The following BNC2 variants were observed in gnomAD, a reference collection of about 807,000 sequenced individuals.
BNC2 encodes the protein zinc finger protein basonuclin-2.
BNC2 carries 20 observed loss-of-function variants against 76.3 expected under a neutral mutation model. The ratio of observed to expected loss-of-function variants is 0.26; its 90% CI spans 0.18 to 0.38. The LOEUF (loss-of-function observed/expected upper bound fraction) is 0.38. Among genes scored for constraint, BNC2 ranks in the 10% least tolerant of loss-of-function variants. The probability of loss-of-function intolerance (pLI) is 1.00; values close to 1 mark genes in which losing one functional copy is unlikely to be tolerated. For synonymous variants in BNC2, 582 were observed against 514.8 expected, an observed-to-expected ratio of 1.13 and a Z score of -1.77; for missense variants, 1,382 against 1,399.8, an observed-to-expected ratio of 0.99 and a Z score of 0.20.
intron 1 of BNC2, among the ~76,000 whole-genome samples, chr9:16,853,324 G>A (rs1395513858): frequency 1.3e-5 from 2 of 150,698 alleles, no homozygotes; most frequent in Non-Finnish European, 2.9e-5. Context: ...AGGATCACCT[G>A]AGCCCAGGGA....
intron 1 of BNC2, among the ~76,000 whole-genome samples, chr9:16,810,464 G>GAATGAC (rs1367431134): frequency 1.3e-5 from 2 of 152,216 alleles, no homozygotes; most frequent in African/African-American, 4.8e-5. Flanking sequence ...TACCTCATGT[G>GAATGAC]AATGACAATG....
chr9:16,860,289 T>C (rs1385321943), intron 1 of BNC2, among the ~76,000 whole-genome samples: 2 of 152,108 alleles, frequency 1.3e-5, no homozygotes, highest in Admixed American at 6.5e-5. Flanking sequence ...CAAAACTTAA[T>C]ACAAAGCTAC....
At chr9:16,442,288 T>C (rs1311273834) in intron 5 of BNC2, among the ~76,000 whole-genome samples, 1 of 152,190 alleles carries the variant, frequency 6.6e-6, no homozygotes, top group South Asian at 2.1e-4. Flanking sequence ...TCAGAAAAAG[T>C]ATAAAAGACT....
chr9:16,718,154 T>C (rs886213489), intron 3 of BNC2, among the ~76,000 whole-genome samples: 1 of 152,182 alleles, frequency 6.6e-6, no homozygotes, highest in African/African-American at 2.4e-5. Context: ...TTTTTCTTAT[T>C]TGAACAACAA....
At chr9:16,438,173 A>G (rs1396823908) in intron 5 of BNC2, among the ~76,000 whole-genome samples, 1 of 152,194 alleles carries the variant, frequency 6.6e-6, no homozygotes, top group East Asian at 1.9e-4. Context: ...AAGGAAGAGT[A>G]AGAAAAACAT....
intron 3 of BNC2, among the ~76,000 whole-genome samples, chr9:16,692,600 A>G (rs1303512718): frequency 6.6e-6 from 1 of 152,156 alleles, no homozygotes; most frequent in Non-Finnish European, 1.5e-5. Context: ...TACCAATCCA[A>G]TGAAGGCTGA....
intron 5 of BNC2, among the ~76,000 whole-genome samples, chr9:16,469,862 C>CT (rs1472636090): frequency 1.3e-5 from 2 of 152,134 alleles, no homozygotes; most frequent in African/African-American, 4.8e-5. Context: ...AGCAAAGAGA[C>CT]TGGCAGCATT....
intron 5 of BNC2, among the ~76,000 whole-genome samples, chr9:16,455,668 T>C (rs561904353): frequency 2.1e-3 from 322 of 152,156 alleles, no homozygotes; most frequent in Middle Eastern, 3.4e-3. Flanking sequence ...GGCACATGCC[T>C]GTAATCCCAG....
intron 5 of BNC2, among the ~76,000 whole-genome samples, chr9:16,460,306 G>A (rs1350853450): frequency 1.3e-5 from 2 of 150,918 alleles, no homozygotes; most frequent in South Asian, 4.2e-4. Context: ...GAGGTAAAAC[G>A]GAACAGAAAA....
intron 3 of BNC2, among the ~76,000 whole-genome samples, chr9:16,652,335 C>T (rs1821816155): frequency 6.6e-6 from 1 of 152,056 alleles, no homozygotes; most frequent in South Asian, 2.1e-4. Context: ...TAAAAACTAA[C>T]TATAAAACAA....
Position 16,559,013 on chromosome 9 carries a change from T to C in BNC2, c.434-6248A>G, listed in dbSNP as rs146904636. ...TATGTTAGTTCCAGGCTGAATGCAA[T>C]TCACAATTTCTGCAATGAATGGAAT... On this transcript the variant is annotated intron_variant, in intron 4 of 6. Transcript: ENST00000380672. 1.3e-3 allele frequency among the ~76,000 whole-genome samples: 196 copies of C among 152,062 alleles called. 1 individual carries two copies. Among genetic ancestry groups the C allele is most frequent in the African/African-American group, 4.4e-3 (182 of 41,476 alleles).
intron 1 of BNC2, among the ~76,000 whole-genome samples, chr9:16,843,286 C>G (rs1818880001): frequency 6.6e-6 from 1 of 152,156 alleles, no homozygotes; most frequent in South Asian, 2.1e-4. Context: ...CTAGATAGTA[C>G]TGAGATGTCA....
Position 16,410,298 on chromosome 9 carries a change from G to A in BNC2, c.*8691C>T, listed in dbSNP as rs2118878723. ...GAGGGGAGAGGGGAAATGGGCATTT[G>A]CCTCACTTGGAAACCACCCACTGGT... is the stretch of plus-strand genomic sequence containing the variant. On this transcript the variant is annotated 3_prime_UTR_variant, in exon 7 of 7. Coordinates refer to ENST00000380672, the MANE Select transcript of BNC2 (RefSeq NM_017637.6). 1 of 152,394 alleles carries A rather than the reference G, an allele frequency of 6.6e-6. No homozygotes were observed. The highest frequency in any genetic ancestry group is 1.9e-4 in the East Asian group (1 of 5,168). The allele number at this position is 152,394 out of a possible 1,614,324, so 9.4% of individuals were successfully genotyped here.
intron 5 of BNC2, among the ~76,000 whole-genome samples, chr9:16,550,880 G>A (rs1207644242): frequency 6.6e-6 from 1 of 152,126 alleles, no homozygotes; most frequent in Admixed American, 6.5e-5. Context: ...TTTGTGTAGG[G>A]TAAAATCCAT....
intron 5 of BNC2, among the ~76,000 whole-genome samples, chr9:16,551,833 G>T (rs140277366): frequency 2.0e-5 from 3 of 152,164 alleles, no homozygotes; most frequent in African/African-American, 2.4e-5. Context: ...GGAGATGGGG[G>T]TGCATGAAGG....
intron 5 of BNC2, among the ~76,000 whole-genome samples, chr9:16,531,753 AT>A (rs1817981602): frequency 6.6e-6 from 1 of 152,202 alleles, no homozygotes; most frequent in African/African-American, 2.4e-5. Flanking sequence ...CATGCACACC[AT>A]TAGTTTTGTC....
chr9:16,607,264 T>A (rs1820412839), intron 3 of BNC2, among the ~76,000 whole-genome samples: 1 of 152,182 alleles, frequency 6.6e-6, no homozygotes, highest in Non-Finnish European at 1.5e-5. Flanking sequence ...AAAAAGGGGA[T>A]TCGTTTTGAT....
chr9:16,454,483 G>A (rs1343211253), intron 5 of BNC2, among the ~76,000 whole-genome samples: 2 of 152,050 alleles, frequency 1.3e-5, no homozygotes, highest in African/African-American at 4.8e-5. Flanking sequence ...TATTTTAGTT[G>A]TACAGAGATG....
chr9:16,687,047 C>T (rs1011518424), intron 3 of BNC2, among the ~76,000 whole-genome samples: 10 of 152,160 alleles, frequency 6.6e-5, no homozygotes, highest in African/African-American at 1.9e-4. Flanking sequence ...AACACTCTTA[C>T]GGAGTATGAG....
Sources: allele counts gnomAD v4.1 joint callset (sites outside exome capture counted in the v4.1 genomes callset), GRCh38; gene constraint gnomAD v4.1.1; transcripts MANE v1.5; gene names NCBI Gene and HGNC (gene_info 2026-07-23, HGNC 2026-07-21).